The following ZSWIM2 variants were observed in gnomAD, a reference collection of about 807,000 sequenced individuals.
ZSWIM2 encodes the protein zinc finger SWIM-type containing 2.
Under a neutral mutation model 48.4 loss-of-function variants are expected in ZSWIM2, and 38 were observed. That is an observed-to-expected ratio of 0.79 (90% confidence interval 0.61 to 1.03). The LOEUF (loss-of-function observed/expected upper bound fraction) is 1.03. ZSWIM2 is among the 50% of genes least tolerant of loss of function. The pLI is 0.00. For synonymous variants in ZSWIM2, 240 were observed against 251.3 expected (o/e 0.96, Z 0.42); for missense variants, 776 against 730.2 (o/e 1.06, Z -0.72).
chr2:186,846,823 A>ATATATATATATATATATATC, intron 2 of ZSWIM2, among the ~76,000 whole-genome samples: 1 of 151,176 alleles, frequency 6.6e-6, no homozygotes, highest in African/African-American at 2.4e-5. Context: ...ATATATATAT[A>ATATATATATATATATATATC]TATAATGTAA....
chr2:186,848,715 A>G, intron 1 of ZSWIM2: 1 of 436,084 alleles, frequency 2.3e-6, no homozygotes, highest in Non-Finnish European at 4.2e-6. Context: ...CTAAAGATCA[A>G]GAGCCATCAT....
chr2:186,842,999 A>T (rs1691932712), intron 3 of ZSWIM2, among the ~76,000 whole-genome samples: 1 of 151,556 alleles, frequency 6.6e-6, no homozygotes, highest in South Asian at 2.1e-4. Context: ...AAGACAGTAT[A>T]AAAAAAGTAA....
chr2:186,827,482 G>A lies in ZSWIM2; in HGVS notation c.*502C>T, dbSNP rs961921624. ...AAAACATTAAGACCATTATAAATGT[G>A]ACATAGCTGATAGTATTTCATTTTA... On this transcript the variant is annotated 3_prime_UTR_variant, in exon 9 of 9. Coordinates refer to ENST00000295131, the MANE Select transcript of ZSWIM2 (RefSeq NM_182521.3). Among the ~76,000 whole-genome samples, 5 of 151,748 alleles carry A rather than the reference G, an allele frequency of 3.3e-5. No homozygotes were observed. Among genetic ancestry groups the A allele is most frequent in the Non-Finnish European group, 7.4e-5 (5 of 67,876 alleles).
chr2:186,833,051 T>G, intron 7 of ZSWIM2, 69 bp downstream of exon 7: 1 of 653,966 alleles, frequency 1.5e-6, no homozygotes, highest in Non-Finnish European at 2.4e-6. Context: ...TAAATAAAAC[T>G]TATTCAAATT....
rs548191207 is a variant in ZSWIM2, at chr2:186,837,389, T to C, written c.660A>G (p.Ala220=). ...GTTTGTCCAGTCTCTCTTTTTCTGC[T>C]GCAGCTACTAGTTTGCTAGAGTTTT... ...EFKNSSKLVA[A]AEKERLDKHL... Residue 220 remains alanine (A), a synonymous_variant, in exon 5 of 9, where the codon GCA becomes GCG. Coordinates refer to ENST00000295131, the MANE Select transcript of ZSWIM2 (RefSeq NM_182521.3). The C allele has an allele frequency of 1.2e-6, 2 of 1,613,112 alleles. No individual in the cohort carries two copies. The highest frequency in any genetic ancestry group is 1.1e-5 in the South Asian group (1 of 91,064).
Position 186,827,988 on chromosome 2 carries a change from A to G in ZSWIM2, c.1898T>C (p.Leu633Ser). ...ELSLIIEGVQ[L>S] The stretch of plus-strand genomic sequence containing the variant: ...ATTTTCAGATAGTAAACTTTTTCAC[A>G]ATTGAACTCCTTCTATTATTAAAGA... Residue 633 changes from leucine to serine, a missense_variant, in exon 9 of 9, where the codon TTG (leucine) becomes TCG (serine). Coordinates refer to ENST00000295131, the MANE Select transcript of ZSWIM2 (RefSeq NM_182521.3). 1 of 1,557,560 alleles carries G rather than the reference A, an allele frequency of 6.4e-7. No individual in the cohort carries two copies. Among genetic ancestry groups the G allele is most frequent in the Non-Finnish European group, 8.6e-7 (1 of 1,157,058 alleles).
At position 186,836,212 on chromosome 2, in the gene ZSWIM2, C is replaced by T. The variant is rs190210841; in HGVS notation, c.743+1094G>A. On this transcript the variant is annotated intron_variant, in intron 5 of 8. Transcript: ENST00000295131. ...CCCCTCCATGACTGGTCCTATCCAC[C>T]CCTCTTGAGAAAATTTAAATGCCCA... Among the ~76,000 whole-genome samples the T allele has an allele frequency of 8.7e-4, 132 of 152,172 alleles. 1 individual carries two copies. Among genetic ancestry groups the T allele is most frequent in the Admixed American group, 3.6e-3 (55 of 15,250 alleles).
At chr2:186,833,344 G>T in intron 6 of ZSWIM2, 112 bp from the exon 7 acceptor site, 3 of 507,134 alleles carry the variant, frequency 5.9e-6, no homozygotes, top group South Asian at 3.2e-5. Context: ...AATATTTTAA[G>T]CATATATATT....
In ZSWIM2 at chr2:186,848,957, G is replaced by A. The variant is rs753434906; in HGVS notation, c.165+9C>T. The A allele has an allele frequency of 1.9e-6, 3 of 1,613,920 alleles. No homozygotes were observed. The South Asian group carries it at 3.3e-5, about 18-fold the overall frequency. On this transcript the variant is annotated intron_variant, in intron 1 of 8. Transcript: ENST00000295131. ...ATGGCCAACTGGGGGCGGTAGGGGC[G>A]GTAGTTACTCGGAAATCCATGTATT...
intron 2 of ZSWIM2, among the ~76,000 whole-genome samples, chr2:186,846,136 CTT>C (rs1308547579): frequency 6.6e-6 from 1 of 151,626 alleles, no homozygotes; most frequent in Non-Finnish European, 1.5e-5. Context: ...GTTTAATAGA[CTT>C]AATTAAACTA....
rs3100036 is a variant in ZSWIM2 at position 186,842,637 on chromosome 2, A to G, written c.283+2080T>C. ...TCAATTTATAAAAAGCACCTAGCAG[A>G]GCTCCTAGCTAATATGTGGTACAAT... On this transcript the variant is annotated intron_variant, in intron 3 of 8. Coordinates refer to ENST00000295131, the MANE Select transcript of ZSWIM2 (RefSeq NM_182521.3). 1.8e-3 allele frequency among the ~76,000 whole-genome samples: 274 copies of G among 151,688 alleles called. 9 individuals are homozygous for G. The East Asian group carries it at 0.046, about 26-fold the overall frequency.
At chr2:186,841,719 A>C (rs1691905561) in intron 3 of ZSWIM2, among the ~76,000 whole-genome samples, 1 of 151,362 alleles carries the variant, frequency 6.6e-6, no homozygotes, top group Admixed American at 6.6e-5. Context: ...ATATAGCATG[A>C]AAATATAAGG....
Position 186,839,149 on chromosome 2 carries a change from C to T in ZSWIM2, c.304G>A (p.Gly102Arg), listed in dbSNP as rs1170212887. ...NHESALQLGL[G>R]EREISDLLRG... is the part of the protein sequence containing the mutation. ...AGCAAGTCACTTATCTCTCTTTCTC[C>T]AAGACCCAGTTGTAAAGCAGCTAGT... The change falls in exon 4 of 9, where the codon GGA becomes AGA. Residue 102 changes from glycine (G) to arginine (R), a missense_variant. Coordinates refer to ENST00000295131, the MANE Select transcript of ZSWIM2 (RefSeq NM_182521.3). 6.2e-7 allele frequency: 1 copy of T among 1,610,910 alleles called. No homozygotes were observed. Among genetic ancestry groups the T allele is most frequent in the Non-Finnish European group, 8.5e-7 (1 of 1,177,944 alleles).
In ZSWIM2 at chr2:186,833,239, T is replaced by C; in HGVS notation, c.829-7A>G. 4 of 1,363,460 alleles carry C rather than the reference T, an allele frequency of 2.9e-6. No homozygotes were observed. The highest frequency in any genetic ancestry group is 2.4e-5 in the Admixed American group (1 of 41,298). The allele number at this position is 1,363,460 out of a possible 1,614,324, so 84.5% of individuals were successfully genotyped here. A position where few individuals can be genotyped will look rare whatever the true frequency, so the allele number is the denominator to read the frequency against. ...TCCATTTTTGGTTTCTTTTCTGTAA[T>C]AGGTAAAAGTAGATGTTACTTTGCA... On this transcript the variant is annotated splice_polypyrimidine_tract_variant and splice_region_variant and intron_variant, in intron 6 of 8. Coordinates refer to ENST00000295131, the MANE Select transcript of ZSWIM2 (RefSeq NM_182521.3).
intron 3 of ZSWIM2, among the ~76,000 whole-genome samples, chr2:186,840,858 T>C (rs1246410238): frequency 3.3e-5 from 5 of 151,618 alleles, no homozygotes; most frequent in East Asian, 1.9e-4. Flanking sequence ...AAAAAACTTA[T>C]AGCAGATTAG....
chr2:186,833,564 G>A (rs1006908645), intron 6 of ZSWIM2, among the ~76,000 whole-genome samples: 1 of 152,016 alleles, frequency 6.6e-6, no homozygotes, highest in Non-Finnish European at 1.5e-5. Flanking sequence ...AAAGTTCCAT[G>A]TTTCATTATT....
intron 5 of ZSWIM2, 107 bp downstream of exon 5, chr2:186,837,199 A>G: frequency 8.5e-7 from 1 of 1,173,578 alleles, no homozygotes; most frequent in Non-Finnish European, 1.2e-6. Context: ...GTCAAACAGT[A>G]TATGCAGGAA....
chr2:186,838,980 T>C lies in ZSWIM2; in HGVS notation c.473A>G (p.Lys158Arg). Reference sequence around the variant, plus strand: ...TCACCTGCAAAAGGTGACAGGAAGCTTTTTCTCTAAAAGTAGCTCTTGACA... The same window carrying C: ...TCACCTGCAAAAGGTGACAGGAAGCCTTTTCTCTAAAAGTAGCTCTTGACA... ...SICQELLLEK[K>R]LPVTFCRFGC... The change falls in exon 4 of 9, where the codon AAG becomes AGG. Residue 158 changes from lysine (K) to arginine (R), a missense_variant. By Grantham distance (26) the Lys-to-Arg change is conservative. Coordinates refer to ENST00000295131, the MANE Select transcript of ZSWIM2 (RefSeq NM_182521.3). 6.2e-7 allele frequency: 1 copy of C among 1,608,556 alleles called. No homozygotes were observed. Among genetic ancestry groups the C allele is most frequent in the Non-Finnish European group, 8.5e-7 (1 of 1,176,700 alleles).
rs1692032778 is a variant in ZSWIM2, at chr2:186,847,772, A to T, written c.189T>A (p.Val63=). 6.2e-7 allele frequency: 1 copy of T among 1,607,180 alleles called. No individual in the cohort carries two copies. Among genetic ancestry groups the T allele is most frequent in the Non-Finnish European group, 8.5e-7 (1 of 1,176,514 alleles). ...CTTTCGGAAATGTGGAACAGTTACA[A>T]ACGTGAGGATTTCCTAGAAAAACCT... The part of the protein sequence containing the change: ...DFRVFLGNPH[V]CNCSTFPKGG... The change falls in exon 2 of 9, where the codon GTT becomes GTA. Residue 63 remains valine (V), a synonymous_variant. Coordinates refer to ENST00000295131, the MANE Select transcript of ZSWIM2 (RefSeq NM_182521.3).
Sources: gnomAD v4.1 joint callset for allele counts (sites outside exome capture counted in the v4.1 genomes callset) on GRCh38, gnomAD v4.1.1 for gene constraint, MANE v1.5 for transcripts, NCBI Gene and HGNC (gene_info 2026-07-23, HGNC 2026-07-21) for gene names.